DNAH7: variants seen among roughly 807,000 people sequenced by gnomAD.
The protein encoded by DNAH7 is axonemal beta dynein heavy chain 7.
In DNAH7, 397 loss-of-function variants were observed where a neutral mutation model predicts 444.6. That is an observed-to-expected ratio of 0.89 (90% CI 0.82 to 0.97). DNAH7 has a LOEUF of 0.97. DNAH7 is among the 50% of genes least tolerant of loss of function. The pLI, the probability that DNAH7 is intolerant of heterozygous loss-of-function variation, is 0.00. For synonymous variants in DNAH7, 1,636 were observed against 1,624.4 expected (o/e 1.01, Z -0.17); for missense variants, 4,902 against 4,800.8 (o/e 1.02, Z -0.62).
intron 46 of DNAH7, among the ~76,000 whole-genome samples, chr2:195,850,532 T>C (rs1474774116): frequency 6.6e-6 from 1 of 152,216 alleles, no homozygotes; most frequent in Non-Finnish European, 1.5e-5. Flanking sequence ...CCAGTTACCC[T>C]GGAAGAATTG....
intron 59 of DNAH7, 96 bp downstream of exon 59, chr2:195,777,704 C>A: frequency 7.7e-7 from 1 of 1,304,010 alleles, no homozygotes. Flanking sequence ...AACAAAAAAA[C>A]AAGGCCTGCA....
intron 49 of DNAH7, among the ~76,000 whole-genome samples, chr2:195,818,332 T>C (rs1697315181): frequency 6.6e-6 from 1 of 152,200 alleles, no homozygotes; most frequent in African/African-American, 2.4e-5. Context: ...AGTGAAGTAT[T>C]TTTACAATCT....
In DNAH7 at chr2:195,817,746, G is replaced by T. The variant is rs1697290972; in HGVS notation, c.9375C>A (p.Asp3125Glu). ...LGIVVAQERP[D>E]LEEEKQALIL... ...TCAAGGCTTGCTTTTCTTCTTCAAG[G>T]TCTGGCCTTTCTTGTGCCACCACAA... Residue 3125 changes from aspartate (D) to glutamate (E), a missense_variant, in exon 50 of 65, where the codon GAC (aspartate) becomes GAA (glutamate). Coordinates refer to ENST00000312428, the MANE Select transcript of DNAH7 (RefSeq NM_018897.3). The T allele has an allele frequency of 6.2e-7, 1 of 1,612,820 alleles. No homozygotes were observed. The highest frequency in any genetic ancestry group is 8.5e-7 in the Non-Finnish European group (1 of 1,179,534).
chr2:195,962,947 G>A (rs1022549696), intron 17 of DNAH7, among the ~76,000 whole-genome samples: 4 of 152,084 alleles, frequency 2.6e-5, no homozygotes, highest in East Asian at 3.9e-4. Flanking sequence ...TGACAGAATC[G>A]TCTTGTTTGT....
At chr2:195,924,538 G>C (rs1040431014) in intron 22 of DNAH7, among the ~76,000 whole-genome samples, 1 of 151,696 alleles carries the variant, frequency 6.6e-6, no homozygotes, top group Non-Finnish European at 1.5e-5. Context: ...AGGTTGCAGT[G>C]AGCCAAGATC....
chr2:195,845,217 G>A (rs1698913907), intron 46 of DNAH7, 52 bp from the exon 47 acceptor site: 1 of 1,486,442 alleles, frequency 6.7e-7, no homozygotes, highest in South Asian at 1.3e-5. Flanking sequence ...GTTATCAAAA[G>A]CATGCTTTAT....
chr2:195,994,036 G>T (rs1004954583), intron 12 of DNAH7, among the ~76,000 whole-genome samples: 1 of 152,202 alleles, frequency 6.6e-6, no homozygotes, highest in African/African-American at 2.4e-5. Flanking sequence ...GAAAAGCAGG[G>T]TTTTCCCAAG....
intron 19 of DNAH7, among the ~76,000 whole-genome samples, chr2:195,947,627 C>A (rs1394779351): frequency 1.3e-5 from 2 of 152,068 alleles, no homozygotes; most frequent in African/African-American, 2.4e-5. Context: ...ATGAACTCAT[C>A]CTTTTTTATG....
chr2:195,910,341 C>T, intron 24 of DNAH7, 146 bp from the exon 25 acceptor site: 1 of 620,060 alleles, frequency 1.6e-6, no homozygotes, highest in Non-Finnish European at 2.7e-6. Flanking sequence ...CTCTGAAAAT[C>T]TCTGATAGTT....
Position 195,888,245 on chromosome 2 carries a change from T to A in DNAH7, c.5406+13A>T. The A allele has an allele frequency of 1.3e-6, 2 of 1,585,914 alleles. No homozygotes were observed. The highest frequency in any genetic ancestry group is 2.3e-5 in the East Asian group (1 of 44,048). Reference sequence around the variant, plus strand: ...CATTTATTTTTTAATCTTAAAATTCTCATTTCCCTTACCTTTGTATGCTTT... The same window carrying A: ...CATTTATTTTTTAATCTTAAAATTCACATTTCCCTTACCTTTGTATGCTTT... On this transcript the variant is annotated intron_variant, in intron 33 of 64. Transcript: ENST00000312428.
chr2:195,868,878 C>G (rs1306001251), intron 40 of DNAH7, among the ~76,000 whole-genome samples: 1 of 147,896 alleles, frequency 6.8e-6, no homozygotes, highest in African/African-American at 2.5e-5. Context: ...ATAAGGTTAT[C>G]TAGTATGATA....
chr2:195,876,788 G>A lies in DNAH7; in HGVS notation c.5962-89C>T. On this transcript the variant is annotated intron_variant, in intron 36 of 64. Transcript: ENST00000312428. ...ACTAAGCATCATTACTGATAGACTC[G>A]AATTTAACCTTAAGTGTTGTAACAT... 5 of 863,754 alleles carry A rather than the reference G, an allele frequency of 5.8e-6. No homozygotes were observed. In the South Asian group the frequency reaches 6.9e-5, roughly 12 times the overall value. The allele number at this position is 863,754 out of a possible 1,614,324, so 53.5% of individuals were successfully genotyped here. A position where few individuals can be genotyped will look rare whatever the true frequency, so the allele number is the denominator to read the frequency against.
rs1056977436 is a variant in DNAH7, at chr2:195,990,396, C to T, written c.1354-2167G>A. 3.4e-4 allele frequency among the ~76,000 whole-genome samples: 51 copies of T among 152,170 alleles called. 1 individual carries two copies. Among genetic ancestry groups the T allele is most frequent in the Admixed American group, 1.6e-3 (24 of 15,276 alleles). ...ATTAGTTACTGGCTGGACATGGTGG[C>T]TCACACCTGTAATCCCAGCACTTCG... On this transcript the variant is annotated intron_variant, in intron 12 of 64. Transcript: ENST00000312428.
chr2:195,800,803 T>TA (rs1258690491), intron 54 of DNAH7, among the ~76,000 whole-genome samples: 1 of 152,102 alleles, frequency 6.6e-6, no homozygotes, highest in African/African-American at 2.4e-5. Flanking sequence ...TTTTACTCAT[T>TA]AAAAAAGCCT....
At chr2:196,057,082 G>C (rs534832337) in intron 2 of DNAH7, among the ~76,000 whole-genome samples, 1 of 152,024 alleles carries the variant, frequency 6.6e-6, no homozygotes, top group Non-Finnish European at 1.5e-5. Flanking sequence ...TAATTACTGC[G>C]GAAGAACTTA....
At position 195,748,524 on chromosome 2, in the gene DNAH7, C is replaced by T. The variant is rs577740912; in HGVS notation, c.11764+5813G>A. 4.3e-3 allele frequency among the ~76,000 whole-genome samples: 657 copies of T among 152,260 alleles called. 2 individuals are homozygous for T. The highest frequency in any genetic ancestry group is 0.014 in the African/African-American group (594 of 41,548). ...TGGAACCAAAAAAGAGCCCACATCG[C>T]GAAGTCAATCCTAAGCCAAAAGAAC... is the stretch of plus-strand genomic sequence containing the variant. On this transcript the variant is annotated intron_variant, in intron 63 of 64. Coordinates refer to ENST00000312428, the MANE Select transcript of DNAH7 (RefSeq NM_018897.3).
intron 17 of DNAH7, among the ~76,000 whole-genome samples, chr2:195,963,349 C>T (rs1294050951): frequency 6.6e-6 from 1 of 152,148 alleles, no homozygotes; most frequent in Non-Finnish European, 1.5e-5. Context: ...ATTTGCATGT[C>T]TCTGATAATC....
intron 61 of DNAH7, among the ~76,000 whole-genome samples, chr2:195,759,224 C>G (rs1841728): frequency 0.3 from 46,132 of 151,936 alleles, 7,221 homozygotes; most frequent in Middle Eastern, 0.45. Flanking sequence ...GGATGGGGCA[C>G]CGGGAACAGT....
rs751184952 is a variant in DNAH7 at position 195,906,765 on chromosome 2, A to G, written c.4229T>C (p.Ile1410Thr). ...TAGTTCAGTTCCTTCAAACATCAGTATATCAGCACCTGCATTAATACCTGT... is the reference window on the plus strand; with the variant it reads ...TAGTTCAGTTCCTTCAAACATCAGTGTATCAGCACCTGCATTAATACCTGT... Reference protein sequence around the residue: ...IQRGINAGADILMFEGTELKL... With the variant: ...IQRGINAGADTLMFEGTELKL... Residue 1410 changes from isoleucine (I) to threonine (T), a missense_variant, in exon 27 of 65, where the codon ATA becomes ACA. Ile to Thr is a moderately conservative substitution (Grantham distance 89, BLOSUM62 -1). Coordinates refer to ENST00000312428, the MANE Select transcript of DNAH7 (RefSeq NM_018897.3). The G allele has an allele frequency of 2.5e-6, 4 of 1,613,360 alleles. No homozygotes were observed. Among genetic ancestry groups the G allele is most frequent in the African/African-American group, 1.3e-5 (1 of 74,896 alleles).
Sources: gnomAD v4.1 joint callset for allele counts (sites outside exome capture counted in the v4.1 genomes callset) on GRCh38, gnomAD v4.1.1 for gene constraint, MANE v1.5 for transcripts, NCBI Gene and HGNC (gene_info 2026-07-23, HGNC 2026-07-21) for gene names.